ZBTB25: variants seen among roughly 807,000 people sequenced by gnomAD.
ZBTB25 encodes the protein zinc finger and BTB domain-containing protein 25.
ZBTB25 carries 20 observed loss-of-function variants against 34.2 expected under a neutral mutation model. The observed-to-expected ratio is 0.58, with a 90% confidence interval of 0.41 to 0.85. The LOEUF is 0.85. Among genes scored for constraint, ZBTB25 ranks in the 40% least tolerant of loss-of-function variants. ZBTB25 has a pLI of 0.00. For synonymous variants in ZBTB25, 175 were observed against 186.4 expected (o/e 0.94, Z 0.50); for missense variants, 437 against 521.8 (o/e 0.84, Z 1.58).
chr14:64,475,294 C>T (rs951418816), downstream of ZBTB25, among the ~76,000 whole-genome samples: 4 of 151,976 alleles, frequency 2.6e-5, no homozygotes, highest in Non-Finnish European at 5.9e-5. Context: ...AAAAAATTAG[C>T]CAGGCGTGGT....
intron 1 of ZBTB25, among the ~76,000 whole-genome samples, chr14:64,495,402 G>A (rs892484943): frequency 6.6e-6 from 1 of 152,114 alleles, no homozygotes; most frequent in African/African-American, 2.4e-5. Flanking sequence ...ACAGTGTTTG[G>A]GGTTCTGCCA....
chr14:64,451,188 T>G (rs978214901), intron 2 of ZBTB25, among the ~76,000 whole-genome samples: 1 of 152,056 alleles, frequency 6.6e-6, no homozygotes, highest in African/African-American at 2.4e-5. Context: ...TGTTTTATTT[T>G]ATTTTATTTT....
In ZBTB25 at chr14:64,480,543, A is replaced by C. The variant is rs1450154867; in HGVS notation, c.*6380T>G. The stretch of plus-strand genomic sequence containing the variant: ...CAGTACAAAGACTACTTGCCTCAAC[A>C]CTAGGAACACAACATTTGGCAAACA... On this transcript the variant is annotated 3_prime_UTR_variant, in exon 3 of 3. Transcript: ENST00000608382. 4.6e-6 allele frequency: 1 copy of C among 217,262 alleles called. No homozygotes were observed. The highest frequency in any genetic ancestry group is 9.6e-6 in the Non-Finnish European group (1 of 104,126). 13.5% of individuals were successfully genotyped at this position (217,262 alleles called of 1,614,324 possible).
chr14:64,474,487 A>G (rs1436882536), downstream of ZBTB25: 1 of 167,018 alleles, frequency 6.0e-6, no homozygotes, highest in Non-Finnish European at 1.5e-5. Context: ...ATACAGAATA[A>G]ATGTTATATT....
rs765764167 is a variant in ZBTB25 at position 64,486,321 on chromosome 14, C to G, written c.*602G>C. 12 of 984,402 alleles carry G rather than the reference C, an allele frequency of 1.2e-5. No individual in the cohort carries two copies. Among genetic ancestry groups the G allele is most frequent in the Non-Finnish European group, 1.4e-5 (12 of 829,440 alleles). 61.0% of individuals were successfully genotyped at this position (984,402 alleles called of 1,614,324 possible). On this transcript the variant is annotated 3_prime_UTR_variant, in exon 3 of 3. Transcript: ENST00000608382. ...TGTCTCAAAAAAAAAAAGAGGTATACTCAATGTTAAAAAGTAAAGAGAAGC... is the reference window on the plus strand; with the variant it reads ...TGTCTCAAAAAAAAAAAGAGGTATAGTCAATGTTAAAAAGTAAAGAGAAGC...
At chr14:64,498,565 C>T (rs2079364432) in intron 1 of ZBTB25, among the ~76,000 whole-genome samples, 1 of 152,192 alleles carries the variant, frequency 6.6e-6, no homozygotes, top group Non-Finnish European at 1.5e-5. Context: ...CCTGCCTTGG[C>T]CTCCCAAAGT....
downstream of ZBTB25, among the ~76,000 whole-genome samples, chr14:64,476,600 C>T (rs2078721938): frequency 6.6e-6 from 1 of 152,212 alleles, no homozygotes; most frequent in Non-Finnish European, 1.5e-5. Context: ...GGATTACAGG[C>T]GTAAGCCACC....
intron 2 of ZBTB25, chr14:64,468,379 A>C: frequency 6.3e-7 from 1 of 1,582,804 alleles, no homozygotes; most frequent in Non-Finnish European, 8.6e-7. Flanking sequence ...CTAGAGAATA[A>C]GAGTGCAGTG....
intron 2 of ZBTB25, chr14:64,470,526 G>T (rs560964439): frequency 6.3e-6 from 1 of 159,498 alleles, no homozygotes; most frequent in East Asian, 2.0e-4. Flanking sequence ...AGAGGTGGAG[G>T]TTGCAGGGAG....
chr14:64,487,069 A>AT lies in ZBTB25; in HGVS notation c.1161dup (p.Leu388IlefsTer10), dbSNP rs1566597731. 1.2e-6 allele frequency: 2 copies of AT among 1,614,102 alleles called. No individual in the cohort carries two copies. The highest frequency in any genetic ancestry group is 2.7e-5 in the African/African-American group (2 of 74,934). On this transcript the variant is annotated frameshift_variant, in exon 3 of 3. Coordinates refer to ENST00000608382, the MANE Select transcript of ZBTB25 (RefSeq NM_006977.5). LOFTEE classifies it high-confidence loss of function. ...CAGTATGGCTGAAATCTCTGGGCCA[A>AT]TGCATTACCAAACCTTTGGCATCGG...
intron 1 of ZBTB25, chr14:64,502,936 C>T (rs2079544797): frequency 1.0e-6 from 1 of 985,448 alleles, no homozygotes; most frequent in Non-Finnish European, 1.2e-6. Context: ...ACAGCTCTGC[C>T]AGGACTTGAG....
chr14:64,499,382 C>T (rs1369138246), intron 1 of ZBTB25: 2 of 152,074 alleles, frequency 1.3e-5, no homozygotes, highest in Admixed American at 1.3e-4. Context: ...GCCTGACCAA[C>T]ATGAAGAAAC....
At chr14:64,496,972 T>C (rs556771701) in intron 1 of ZBTB25, among the ~76,000 whole-genome samples, 37 of 152,306 alleles carry the variant, frequency 2.4e-4, no homozygotes, top group African/African-American at 8.9e-4. Flanking sequence ...GCAGGAAACA[T>C]ACCTGAAGTC....
intron 2 of ZBTB25, among the ~76,000 whole-genome samples, chr14:64,454,072 T>C (rs905226833): frequency 3.3e-5 from 5 of 152,166 alleles, no homozygotes; most frequent in Admixed American, 2.0e-4. Flanking sequence ...TAGAAATCCA[T>C]GAGGAAATAC....
rs75876815 is a variant in ZBTB25 at position 64,471,578 on chromosome 14, T to A, written c.173+18783A>T. Reference sequence around the variant, plus strand: ...ATTGCCATATTTTTTGAAAAAGTAATCCTATTTCAATCTTTCCTTGTGTGA... The same window carrying A: ...ATTGCCATATTTTTTGAAAAAGTAAACCTATTTCAATCTTTCCTTGTGTGA... On this transcript the variant is annotated intron_variant, in intron 2 of 2. Coordinates refer to the ZBTB25 transcript ENST00000555220. 1.8e-4 allele frequency: 30 copies of A among 167,224 alleles called. 2 individuals are homozygous for A. The East Asian group carries it at 5.8e-3, about 32-fold the overall frequency. 10.4% of individuals were successfully genotyped at this position (167,224 alleles called of 1,614,324 possible).
chr14:64,484,125 C>A lies in ZBTB25; in HGVS notation c.*2798G>T, dbSNP rs1035885626. 31 of 152,012 alleles carry A rather than the reference C, an allele frequency of 2.0e-4. No homozygotes were observed. Among genetic ancestry groups the A allele is most frequent in the Admixed American group, 1.7e-3 (26 of 15,250 alleles). 9.4% of individuals were successfully genotyped at this position (152,012 alleles called of 1,614,324 possible). A position where few individuals can be genotyped will look rare whatever the true frequency, so the allele number is the denominator to read the frequency against. ...TAAACAGAATGAATGTTTTAAGGAA[C>A]AAGGAAAGAGCATTTGCTTTGAATT... On this transcript the variant is annotated 3_prime_UTR_variant, in exon 3 of 3. Transcript: ENST00000608382.
At chr14:64,450,617 AAAC>A (rs2078354990) in intron 2 of ZBTB25, among the ~76,000 whole-genome samples, 1 of 152,210 alleles carries the variant, frequency 6.6e-6, no homozygotes, top group African/African-American at 2.4e-5. Context: ...AGTAGTATGG[AAAC>A]AACAACTGGA....
chr14:64,494,849 G>C (rs2079215420), intron 1 of ZBTB25, among the ~76,000 whole-genome samples: 1 of 152,130 alleles, frequency 6.6e-6, no homozygotes, highest in African/African-American at 2.4e-5. Context: ...CTCTACTTCA[G>C]ATTAGATAAT....
At chr14:64,488,120 C>T in intron 2 of ZBTB25, 63 bp from the exon 3 acceptor site, 1 of 1,556,694 alleles carries the variant, frequency 6.4e-7, no homozygotes, top group African/African-American at 1.4e-5. Context: ...TTTCAGTTAA[C>T]AGTATAGTCT....
Sources: gnomAD v4.1 joint callset for allele counts (sites outside exome capture counted in the v4.1 genomes callset) on GRCh38, gnomAD v4.1.1 for gene constraint, MANE v1.5 for transcripts, NCBI Gene and HGNC (gene_info 2026-07-23, HGNC 2026-07-21) for gene names.